The following DLC1 variants were observed in gnomAD, a reference collection of about 807,000 sequenced individuals.
The protein encoded by DLC1 is DLC1 Rho GTPase activating protein.
Under a neutral mutation model 140.3 loss-of-function variants are expected in DLC1, and 54 were observed. The ratio of observed to expected loss-of-function variants is 0.38; its 90% CI spans 0.31 to 0.48. The LOEUF (loss-of-function observed/expected upper bound fraction) is 0.48. DLC1 is among the 20% of genes least tolerant of loss of function. DLC1 has a pLI of 0.96. For missense variants in DLC1, 2,536 were observed against 1,907.0 expected, an observed-to-expected ratio of 1.33 and a Z score of -6.14; for synonymous variants, 986 against 728.1, an observed-to-expected ratio of 1.35 and a Z score of -5.70.
chr8:13,212,319 C>T (rs906945031), intron 5 of DLC1, among the ~76,000 whole-genome samples: 11 of 152,112 alleles, frequency 7.2e-5, no homozygotes, highest in East Asian at 3.9e-4. Flanking sequence ...TCCATGTGTG[C>T]GTACACATTT....
chr8:13,110,535 A>G (rs1162238884), intron 7 of DLC1, among the ~76,000 whole-genome samples: 1 of 152,138 alleles, frequency 6.6e-6, no homozygotes, highest in East Asian at 1.9e-4. Context: ...AGTACTTCCT[A>G]GGACAGCGTG....
chr8:13,141,256 C>CAAAAAAAAAAAAAAAAAAA (rs34321250), intron 5 of DLC1, among the ~76,000 whole-genome samples: 19 of 63,768 alleles, frequency 3.0e-4, no homozygotes, highest in Admixed American at 9.2e-4. Context: ...GAGTCTGTCT[C>CAAAAAAAAAAAAAAAAAAA]AAAAAAAAAA....
intron 5 of DLC1, among the ~76,000 whole-genome samples, chr8:13,182,694 A>C (rs1010165468): frequency 6.6e-6 from 1 of 152,168 alleles, no homozygotes; most frequent in African/African-American, 2.4e-5. Flanking sequence ...CTGTTTTGGT[A>C]CCAGTACCAT....
At chr8:13,219,823 T>C (rs1273423934) in intron 5 of DLC1, among the ~76,000 whole-genome samples, 2 of 152,172 alleles carry the variant, frequency 1.3e-5, no homozygotes, top group Non-Finnish European at 2.9e-5. Flanking sequence ...GTCCATCCAA[T>C]GGATTATTAT....
chr8:13,425,863 C>G (rs372005752), intron 2 of DLC1, among the ~76,000 whole-genome samples: 9 of 152,176 alleles, frequency 5.9e-5, no homozygotes, highest in African/African-American at 1.9e-4. Flanking sequence ...TAGCCTTGAC[C>G]TCCTGGGCTC....
intron 7 of DLC1, among the ~76,000 whole-genome samples, chr8:13,105,938 C>G (rs1819528923): frequency 6.6e-6 from 1 of 152,150 alleles, no homozygotes; most frequent in Non-Finnish European, 1.5e-5. Flanking sequence ...AACTTATATC[C>G]TAAGGGATTC....
At chr8:13,554,594 A>C (rs1312943432) in intron 1 of DLC1, among the ~76,000 whole-genome samples, 1 of 152,054 alleles carries the variant, frequency 6.6e-6, no homozygotes, top group East Asian at 1.9e-4. Flanking sequence ...CTCATCCTTA[A>C]CTTTTCTTTT....
At chr8:13,098,040 A>C (rs1354484511) in intron 10 of DLC1, among the ~76,000 whole-genome samples, 7 of 149,478 alleles carry the variant, frequency 4.7e-5, no homozygotes, top group African/African-American at 1.7e-4. Flanking sequence ...AAAAGAAAAA[A>C]AAAAAAAAAA....
intron 4 of DLC1, among the ~76,000 whole-genome samples, chr8:13,381,465 G>T (rs886712699): frequency 1.3e-5 from 2 of 152,190 alleles, no homozygotes; most frequent in Non-Finnish European, 2.9e-5. Flanking sequence ...GATTAGGATA[G>T]GTTCATATGA....
intron 5 of DLC1, among the ~76,000 whole-genome samples, chr8:13,200,065 C>G (rs1483458776): frequency 3.9e-5 from 6 of 152,038 alleles, no homozygotes; most frequent in African/African-American, 1.4e-4. Context: ...TTATTTGAGA[C>G]TGAATCTCAC....
intron 4 of DLC1, among the ~76,000 whole-genome samples, chr8:13,314,506 T>C (rs1315684881): frequency 6.6e-6 from 1 of 152,006 alleles, no homozygotes; most frequent in Non-Finnish European, 1.5e-5. Context: ...AGCTGAGAGA[T>C]AAAGCATTTA....
intron 2 of DLC1, among the ~76,000 whole-genome samples, chr8:13,426,830 T>A (rs1174198369): frequency 6.6e-6 from 1 of 152,210 alleles, no homozygotes; most frequent in Non-Finnish European, 1.5e-5. Context: ...TTGTCTCTCA[T>A]CCTAGGAGAT....
chr8:13,514,760 A>C lies in DLC1; in HGVS notation c.-284T>G. ...CAGTTTCACGCAGTGTGTGAGTCTA[A>C]CAAAAACACCCTCTGCAGCTGGAGG... is the stretch of plus-strand genomic sequence containing the variant. On this transcript the variant is annotated 5_prime_UTR_variant, in exon 1 of 18. Coordinates refer to ENST00000276297, the MANE Select transcript of DLC1 (RefSeq NM_182643.3). 1 of 397,720 alleles carries C rather than the reference A, an allele frequency of 2.5e-6. No individual in the cohort carries two copies. The highest frequency in any genetic ancestry group is 3.6e-5 in the East Asian group (1 of 28,054). 24.6% of individuals were successfully genotyped at this position (397,720 alleles called of 1,614,324 possible).
At chr8:13,260,112 G>A (rs886855343) in intron 5 of DLC1, among the ~76,000 whole-genome samples, 1 of 152,122 alleles carries the variant, frequency 6.6e-6, no homozygotes, top group Non-Finnish European at 1.5e-5. Context: ...GACAGGAATG[G>A]CTAAATAGAA....
intron 5 of DLC1, chr8:13,276,190 G>C: frequency 6.6e-7 from 1 of 1,516,938 alleles, no homozygotes; most frequent in South Asian, 1.2e-5. Context: ...GCTTATCACT[G>C]CGTCTTCGCA....
chr8:13,572,632 AT>A (rs1254127759), intron 1 of DLC1, among the ~76,000 whole-genome samples: 1 of 152,120 alleles, frequency 6.6e-6, no homozygotes, highest in East Asian at 1.9e-4. Context: ...ATAGTTATGT[AT>A]TTAATCCATT....
At chr8:13,521,286 G>A (rs560490802) in intron 1 of DLC1, among the ~76,000 whole-genome samples, 3 of 152,030 alleles carry the variant, frequency 2.0e-5, no homozygotes, top group Non-Finnish European at 4.4e-5. Context: ...AGGGTAAATA[G>A]CTAATGCACG....
At chr8:13,203,182 C>T (rs1055616008) in intron 5 of DLC1, among the ~76,000 whole-genome samples, 15 of 152,268 alleles carry the variant, frequency 9.9e-5, no homozygotes, top group East Asian at 7.7e-4. Flanking sequence ...TGTTCACTTA[C>T]GTGCTGTTCA....
intron 5 of DLC1, among the ~76,000 whole-genome samples, chr8:13,273,598 C>A (rs1197565797): frequency 6.6e-6 from 1 of 151,940 alleles, no homozygotes; most frequent in Non-Finnish European, 1.5e-5. Flanking sequence ...CAGACAGGCT[C>A]CCTGTTTCGT....
Sources: allele counts gnomAD v4.1 joint callset (sites outside exome capture counted in the v4.1 genomes callset), GRCh38; gene constraint gnomAD v4.1.1; transcripts MANE v1.5; gene names NCBI Gene and HGNC (gene_info 2026-07-23, HGNC 2026-07-21).